Variants in MRTFA observed in about 807,000 individuals in gnomAD.
MRTFA encodes the protein myocardin related transcription factor A.
MRTFA carries 20 observed loss-of-function variants against 83.5 expected under a neutral mutation model. That is an observed-to-expected ratio of 0.24 (90% confidence interval 0.17 to 0.35). The LOEUF is 0.35. MRTFA is among the 10% of genes least tolerant of loss of function. The pLI is 1.00. For missense variants in MRTFA, 1,200 were observed against 1,224.7 expected (o/e 0.98, Z 0.30); for synonymous variants, 659 against 541.2 (o/e 1.22, Z -3.02).
At chr22:40,552,860 T>A (rs192225687) in intron 2 of MRTFA, among the ~76,000 whole-genome samples, 1 of 151,986 alleles carries the variant, frequency 6.6e-6, no homozygotes, top group South Asian at 2.1e-4. Context: ...CAGGCAGAGG[T>A]TGGAACAGTT....
chr22:40,504,623 C>G lies in MRTFA; in HGVS notation c.242-41337G>C, dbSNP rs189978587. On this transcript the variant is annotated intron_variant, in intron 3 of 14. Transcript: ENST00000355630. ...CTGAAACTAGATCTTAAAACTTCAC[C>G]CACACAAATGTAAGCAATCTAAATG... Among the ~76,000 whole-genome samples the G allele has an allele frequency of 1.5e-3, 222 of 152,116 alleles. 4 individuals are homozygous for G. The East Asian group carries it at 0.02, about 14-fold the overall frequency.
chr22:40,538,594 A>C (rs2055230955), intron 3 of MRTFA, among the ~76,000 whole-genome samples: 1 of 151,380 alleles, frequency 6.6e-6, no homozygotes, highest in Admixed American at 6.6e-5. Flanking sequence ...AAAATTAAAC[A>C]AGAAGCAATG....
chr22:40,443,321 G>C (rs2053315439), intron 4 of MRTFA, among the ~76,000 whole-genome samples: 1 of 151,990 alleles, frequency 6.6e-6, no homozygotes. Flanking sequence ...CTTCAGATGG[G>C]GTAGACATTT....
At chr22:40,593,763 A>G (rs1230239739) in intron 2 of MRTFA, among the ~76,000 whole-genome samples, 1 of 152,202 alleles carries the variant, frequency 6.6e-6, no homozygotes, top group Non-Finnish European at 1.5e-5. Flanking sequence ...CTAAGTGTAG[A>G]TGCAGCAAGA....
chr22:40,537,053 C>CGGGG (rs2055194578), intron 3 of MRTFA, among the ~76,000 whole-genome samples: 1 of 352 alleles, frequency 2.8e-3, no homozygotes, highest in Non-Finnish European at 6.8e-3. Flanking sequence ...CCGCCCCGTC[C>CGGGG]GGGAGGAGGT....
At chr22:40,493,547 G>A (rs865874894) in intron 3 of MRTFA, among the ~76,000 whole-genome samples, 4 of 152,102 alleles carry the variant, frequency 2.6e-5, no homozygotes, top group South Asian at 2.1e-4. Context: ...AAAAGGAAAA[G>A]GAAAATGAAA....
chr22:40,489,971 C>CAAAAAAAAA (rs55808950), intron 3 of MRTFA, among the ~76,000 whole-genome samples: 1 of 105,864 alleles, frequency 9.4e-6, no homozygotes, highest in Admixed American at 1.1e-4. Flanking sequence ...GACTCTGTCG[C>CAAAAAAAAA]AAAAAAAAAA....
At chr22:40,558,109 A>C (rs536571985) in intron 2 of MRTFA, among the ~76,000 whole-genome samples, 58 of 150,994 alleles carry the variant, frequency 3.8e-4, no homozygotes, top group South Asian at 3.2e-3. Context: ...TTTAAGGGAC[A>C]GGGTCTCTCT....
chr22:40,425,612 C>T (rs1417369508), intron 7 of MRTFA, among the ~76,000 whole-genome samples: 1 of 152,236 alleles, frequency 6.6e-6, no homozygotes, highest in East Asian at 1.9e-4. Context: ...CCTCTGTCCC[C>T]TCATCTGTCC....
intron 1 of MRTFA, among the ~76,000 whole-genome samples, chr22:40,613,628 G>A (rs996815839): frequency 1.3e-5 from 2 of 152,150 alleles, no homozygotes; most frequent in South Asian, 4.1e-4. Context: ...TACTAAGACA[G>A]AAGGATTGCT....
rs1466234557 is a variant in MRTFA, at chr22:40,419,174, C to T, written c.1564G>A (p.Val522Met). ...TCAGCTGGAGCCAGGCCTGCTGCCA[C>T]CAGGGCTGGCCCCGTGCTCAGCCGG... is the stretch of plus-strand genomic sequence containing the variant. The change falls in exon 12 of 15, where the codon GTG (valine) becomes ATG (methionine). Residue 522 changes from valine to methionine, a missense_variant. Physicochemically the swap from Val to Met is conservative, Grantham distance 21. This residue lies in a region of MRTFA where 1,107 missense variants were observed against 1,041.8 expected (regional missense o/e 1.06). Coordinates refer to ENST00000355630, the MANE Select transcript of MRTFA (RefSeq NM_020831.6). 4 of 1,584,672 alleles carry T rather than the reference C, an allele frequency of 2.5e-6. No individual in the cohort carries two copies. The highest frequency in any genetic ancestry group is 3.4e-6 in the Non-Finnish European group (4 of 1,165,278).
At chr22:40,618,578 T>G (rs2056483158) in intron 1 of MRTFA, among the ~76,000 whole-genome samples, 1 of 150,784 alleles carries the variant, frequency 6.6e-6, no homozygotes. Context: ...AAGGGAGGAG[T>G]GGCAGATCTT....
At chr22:40,565,833 G>A (rs905628505) in intron 2 of MRTFA, among the ~76,000 whole-genome samples, 5 of 152,226 alleles carry the variant, frequency 3.3e-5, no homozygotes, top group Non-Finnish European at 7.3e-5. Flanking sequence ...ATCCGAAAGA[G>A]ACTTGTATAG....
chr22:40,536,375 C>T (rs946007183), intron 3 of MRTFA, among the ~76,000 whole-genome samples: 1 of 150,300 alleles, frequency 6.7e-6, no homozygotes, highest in Non-Finnish European at 1.5e-5. Context: ...GGCAGCGGAG[C>T]TGTCTCAGTC....
At chr22:40,609,966 G>A (rs1247047493) in intron 1 of MRTFA, among the ~76,000 whole-genome samples, 1 of 151,472 alleles carries the variant, frequency 6.6e-6, no homozygotes, top group Non-Finnish European at 1.5e-5. Flanking sequence ...GAGTAAAGAG[G>A]ATAAATAGAT....
At chr22:40,628,229 AG>A (rs1188913946) in intron 1 of MRTFA, among the ~76,000 whole-genome samples, 2 of 152,206 alleles carry the variant, frequency 1.3e-5, no homozygotes, top group East Asian at 1.9e-4. Flanking sequence ...GCTGAATCAC[AG>A]GAAGGTTAAG....
rs1238976380 is a variant in MRTFA, at chr22:40,411,202, C to A, written c.*188G>T. 21 of 563,106 alleles carry A rather than the reference C, an allele frequency of 3.7e-5. No homozygotes were observed. Among genetic ancestry groups the A allele is most frequent in the Admixed American group, 1.0e-4 (3 of 29,828 alleles). The allele number at this position is 563,106 out of a possible 1,614,324, so 34.9% of individuals were successfully genotyped here. Reference sequence around the variant, plus strand: ...GGGCTGCTTCTTGACAGCTGCTCTCCTCTGCCCTGCGTGGCACTGAACCAG... The same window carrying A: ...GGGCTGCTTCTTGACAGCTGCTCTCATCTGCCCTGCGTGGCACTGAACCAG... On this transcript the variant is annotated 3_prime_UTR_variant, in exon 15 of 15. Coordinates refer to ENST00000355630, the MANE Select transcript of MRTFA (RefSeq NM_020831.6).
chr22:40,614,131 G>T (rs895348656), intron 1 of MRTFA, among the ~76,000 whole-genome samples: 2 of 151,748 alleles, frequency 1.3e-5, no homozygotes, highest in African/African-American at 4.8e-5. Flanking sequence ...GAATCTAGGC[G>T]GCAGAGGTTG....
At chr22:40,519,751 G>A in intron 3 of MRTFA, 3 of 456,996 alleles carry the variant, frequency 6.6e-6, no homozygotes, top group Non-Finnish European at 7.1e-6. Context: ...ACGCCTAAGA[G>A]CAAAGTCTGA....
Sources: gnomAD v4.1 joint callset for allele counts (sites outside exome capture counted in the v4.1 genomes callset) on GRCh38, gnomAD v4.1.1 for gene constraint, gnomAD v4.1.1 regional missense constraint, MANE v1.5 for transcripts, NCBI Gene and HGNC (gene_info 2026-07-23, HGNC 2026-07-21) for gene names.